SEMA3C: variants seen among roughly 807,000 people sequenced by gnomAD.
SEMA3C encodes the protein semaphorin 3C, also known as semaphorin-3C.
Under a neutral mutation model 89.4 loss-of-function variants are expected in SEMA3C, and 47 were observed. The observed-to-expected ratio is 0.53, with a 90% CI of 0.42 to 0.67. SEMA3C has a LOEUF of 0.67. Among genes scored for constraint, SEMA3C ranks in the 30% least tolerant of loss-of-function variants. SEMA3C has a pLI of 0.00. For synonymous variants in SEMA3C, 310 were observed against 320.2 expected, an observed-to-expected ratio of 0.97 and a Z score of 0.34; for missense variants, 839 against 929.1, an observed-to-expected ratio of 0.90 and a Z score of 1.26.
upstream of SEMA3C, among the ~76,000 whole-genome samples, chr7:80,921,530 C>T (rs567764641): frequency 6.6e-6 from 1 of 152,266 alleles, no homozygotes; most frequent in African/African-American, 2.4e-5. Flanking sequence ...TGGGCACTAC[C>T]ACTTTTTTAA....
chr7:80,762,912 A>G (rs1312553317), intron 13 of SEMA3C, among the ~76,000 whole-genome samples: 1 of 152,082 alleles, frequency 6.6e-6, no homozygotes, highest in Non-Finnish European at 1.5e-5. Context: ...AATCAAATGT[A>G]CCCCCGTTAT....
chr7:80,815,554 CAAAAAA>C (rs761990267), intron 5 of SEMA3C, among the ~76,000 whole-genome samples: 2 of 58,856 alleles, frequency 3.4e-5, no homozygotes, highest in African/African-American at 1.3e-4. Context: ...TTTAAATGGG[CAAAAAA>C]AAAAAAAAAA....
chr7:80,750,887 T>C (rs1787919278), intron 16 of SEMA3C, among the ~76,000 whole-genome samples: 1 of 152,134 alleles, frequency 6.6e-6, no homozygotes, highest in Non-Finnish European at 1.5e-5. Context: ...GTTAAAATAG[T>C]AAATTTTATG....
At chr7:80,863,825 GATATGTGATATAT>G (rs1554383114) in intron 2 of SEMA3C, among the ~76,000 whole-genome samples, 1 of 103,498 alleles carries the variant, frequency 9.7e-6, no homozygotes, top group South Asian at 3.2e-4. Context: ...ATATATATGT[GATATGTGATATAT>G]ATATCACATA....
intron 2 of SEMA3C, among the ~76,000 whole-genome samples, chr7:80,912,569 C>A (rs1792178376): frequency 6.6e-6 from 1 of 152,162 alleles, no homozygotes. Context: ...GTAGAAGGAA[C>A]TTTTTATTCA....
intron 12 of SEMA3C, among the ~76,000 whole-genome samples, chr7:80,771,508 A>C (rs1249694471): frequency 6.6e-6 from 1 of 152,166 alleles, no homozygotes; most frequent in Non-Finnish European, 1.5e-5. Context: ...TTCTAATATA[A>C]GGGAGCACAG....
chr7:80,762,093 A>T (rs565273772), intron 13 of SEMA3C, among the ~76,000 whole-genome samples: 1,399 of 90,290 alleles, frequency 0.015, 16 homozygotes, highest in Non-Finnish European at 0.018. Flanking sequence ...CCGTCTCAAT[A>T]AAAAAAAAAA....
chr7:80,746,312 T>A (rs981446068), intron 17 of SEMA3C, among the ~76,000 whole-genome samples: 1 of 151,948 alleles, frequency 6.6e-6, no homozygotes, highest in East Asian at 1.9e-4. Context: ...TAAAAGATAA[T>A]AGAACAGAAC....
At chr7:80,812,961 A>ATTTTTTT (rs1215661147) in intron 5 of SEMA3C, among the ~76,000 whole-genome samples, 1 of 92,506 alleles carries the variant, frequency 1.1e-5, no homozygotes, top group Non-Finnish European at 2.1e-5. Context: ...TATTTTTTGT[A>ATTTTTTT]TTTTTTTTTT....
intron 12 of SEMA3C, among the ~76,000 whole-genome samples, chr7:80,780,459 A>G (rs886162649): frequency 1.1e-4 from 17 of 152,224 alleles, no homozygotes; most frequent in Non-Finnish European, 1.9e-4. Flanking sequence ...AGTTTTAAAC[A>G]TCAGGATTGA....
intron 9 of SEMA3C, among the ~76,000 whole-genome samples, chr7:80,802,168 T>C (rs955903469): frequency 1.3e-5 from 2 of 152,072 alleles, no homozygotes; most frequent in Non-Finnish European, 2.9e-5. Flanking sequence ...TCATGTCACA[T>C]TGAGAATATC....
At chr7:80,822,384 AAAAT>A (rs1432541453) in intron 4 of SEMA3C, among the ~76,000 whole-genome samples, 3 of 145,680 alleles carry the variant, frequency 2.1e-5, no homozygotes, top group African/African-American at 7.5e-5. Context: ...TCAGCAAAAA[AAAAT>A]AAATAAATAA....
At chr7:80,758,207 AC>A (rs1788106787) in intron 15 of SEMA3C, 123 bp downstream of exon 15, 1 of 1,051,096 alleles carries the variant, frequency 9.5e-7, no homozygotes, top group African/African-American at 1.6e-5. Context: ...GTGGTGTTAA[AC>A]ATAGCTTCTA....
chr7:80,820,720 T>C lies in SEMA3C; in HGVS notation c.328-2302A>G, dbSNP rs527545302. On this transcript the variant is annotated intron_variant, in intron 4 of 17. Coordinates refer to ENST00000265361, the MANE Select transcript of SEMA3C (RefSeq NM_006379.5). Reference sequence around the variant, plus strand: ...GTTTATAGAGGTACCTGGAAATTGATTACATAACTACAGATGATAACATGT... The same window carrying C: ...GTTTATAGAGGTACCTGGAAATTGACTACATAACTACAGATGATAACATGT... Among the ~76,000 whole-genome samples the C allele has an allele frequency of 1.1e-4, 17 of 152,250 alleles. 2 individuals are homozygous for C. The South Asian group carries it at 2.7e-3, about 24-fold the overall frequency.
At chr7:80,844,105 GT>G (rs1483957948) in intron 2 of SEMA3C, among the ~76,000 whole-genome samples, 1 of 152,126 alleles carries the variant, frequency 6.6e-6, no homozygotes, top group African/African-American at 2.4e-5. Context: ...ACACTCTCCT[GT>G]CCCCATGGAG....
At chr7:80,813,477 G>A (rs1328797558) in intron 5 of SEMA3C, among the ~76,000 whole-genome samples, 1 of 152,136 alleles carries the variant, frequency 6.6e-6, no homozygotes, top group African/African-American at 2.4e-5. Flanking sequence ...CTACTTTGCA[G>A]AGAAAGCAAA....
intron 13 of SEMA3C, among the ~76,000 whole-genome samples, chr7:80,763,274 A>G (rs1057483981): frequency 1.3e-5 from 2 of 152,192 alleles, no homozygotes; most frequent in African/African-American, 4.8e-5. Context: ...AAACTTTTCA[A>G]TTTAAATGCA....
chr7:80,802,610 T>C (rs1789235230), intron 9 of SEMA3C, 55 bp downstream of exon 9: 2 of 1,156,288 alleles, frequency 1.7e-6, no homozygotes, highest in Non-Finnish European at 2.6e-6. Context: ...TATTTAAATA[T>C]ATAAACTTTA....
At chr7:80,884,683 A>C (rs1322863036) in intron 2 of SEMA3C, among the ~76,000 whole-genome samples, 2 of 152,228 alleles carry the variant, frequency 1.3e-5, no homozygotes, top group Non-Finnish European at 2.9e-5. Context: ...AAGCTAGTGC[A>C]AGGTAACCAA....
Sources: gnomAD v4.1 joint callset for allele counts (sites outside exome capture counted in the v4.1 genomes callset) on GRCh38, gnomAD v4.1.1 for gene constraint, MANE v1.5 for transcripts, NCBI Gene and HGNC (gene_info 2026-07-23, HGNC 2026-07-21) for gene names.